KCNC1: variants seen among roughly 807,000 people sequenced by gnomAD.
The protein encoded by KCNC1 is voltage-gated potassium channel KCNC1.
Under a neutral mutation model 43.4 loss-of-function variants are expected in KCNC1, and 8 were observed. The ratio of observed to expected loss-of-function variants is 0.18; its 90% CI spans 0.11 to 0.33. The LOEUF (loss-of-function observed/expected upper bound fraction) is 0.33. Ranked by LOEUF, KCNC1 falls within the 10% of genes least tolerant of loss-of-function variation. The probability of loss-of-function intolerance (pLI) is 1.00; values close to 1 mark genes in which losing one functional copy is unlikely to be tolerated. For missense variants in KCNC1, 420 were observed against 836.0 expected, an observed-to-expected ratio of 0.50 and a Z score of 6.14; for synonymous variants, 361 against 360.5, an observed-to-expected ratio of 1.00 and a Z score of -0.01.
At chr11:17,759,160 TTA>T (rs1849050860) in intron 1 of KCNC1, among the ~76,000 whole-genome samples, 1 of 152,242 alleles carries the variant, frequency 6.6e-6, no homozygotes, top group African/African-American at 2.4e-5. Context: ...CCTTGCACTT[TTA>T]TGTTATGGAG....
rs1051106562 is a variant in KCNC1, at chr11:17,772,839, C to T, written c.1504+241C>T. The T allele has an allele frequency of 8.6e-6, 12 of 1,392,990 alleles. No homozygotes were observed. The African/African-American group carries it at 8.7e-5, about 10-fold the overall frequency. The allele number at this position is 1,392,990 out of a possible 1,614,324, so 86.3% of individuals were successfully genotyped here. A position where few individuals can be genotyped will look rare whatever the true frequency, so the allele number is the denominator to read the frequency against. ...GTAAGGAGGTTGACGCGGTTGGTCT[C>T]GTGATGTTCTGAAGAGACAACGCGG... On this transcript the variant is annotated intron_variant, in intron 2 of 3. Coordinates refer to ENST00000265969, the MANE Select transcript of KCNC1 (RefSeq NM_001112741.2).
chr11:17,778,455 A>G (rs1176530903), intron 2 of KCNC1, among the ~76,000 whole-genome samples: 1 of 152,230 alleles, frequency 6.6e-6, no homozygotes, highest in Non-Finnish European at 1.5e-5. Context: ...GAGGGGACAG[A>G]GGAATGGGAG....
Position 17,772,643 on chromosome 11 carries a change from G to A in KCNC1, c.1504+45G>A, listed in dbSNP as rs1554991452. On this transcript the variant is annotated intron_variant, in intron 2 of 3. Transcript: ENST00000265969. Reference sequence around the variant, plus strand: ...CATGTCGATCTGACCTTTCACCTCTGCCCCCTGTAGCGATGATTCCAGATC... The same window carrying A: ...CATGTCGATCTGACCTTTCACCTCTACCCCCTGTAGCGATGATTCCAGATC... 5 of 1,590,928 alleles carry A rather than the reference G, an allele frequency of 3.1e-6. No homozygotes were observed. In the South Asian group the frequency reaches 4.6e-5, roughly 15 times the overall value.
At position 17,777,330 on chromosome 11, in the gene KCNC1, A is replaced by T. The variant is rs754944290; in HGVS notation, c.1505-2126A>T. ...CCCTGGCAGAGGATGGCCAACAGAGACTCAGCAAGTCCTCACTCCCCTCCC... is the reference window on the plus strand; with the variant it reads ...CCCTGGCAGAGGATGGCCAACAGAGTCTCAGCAAGTCCTCACTCCCCTCCC... On this transcript the variant is annotated intron_variant, in intron 2 of 3. Transcript: ENST00000265969. The surrounding 1 kb of genome is among the most constrained non-coding windows in gnomAD (Gnocchi z 4.3). 2 of 985,574 alleles carry T rather than the reference A, an allele frequency of 2.0e-6. No individual in the cohort carries two copies. The highest frequency in any genetic ancestry group is 2.4e-6 in the Non-Finnish European group (2 of 829,942). The allele number at this position is 985,574 out of a possible 1,614,324, so 61.1% of individuals were successfully genotyped here.
In KCNC1 at chr11:17,735,345, G is replaced by A. The variant is rs1182109951; in HGVS notation, c.-658G>A. On this transcript the variant is annotated 5_prime_UTR_variant, in exon 1 of 4. Transcript: ENST00000265969. The surrounding 1 kb of genome is among the most constrained non-coding windows in gnomAD (Gnocchi z 6.7). ...GAGCAGGCAGCCAAGCAAGGAGAGA[G>A]GGAGGGGGCCGGAGCCCGCCCTGCG... 3 of 152,072 alleles carry A rather than the reference G, an allele frequency of 2.0e-5. No individual in the cohort carries two copies. The highest frequency in any genetic ancestry group is 4.4e-5 in the Non-Finnish European group (3 of 68,008). 9.4% of individuals were successfully genotyped at this position (152,072 alleles called of 1,614,324 possible).
intron 1 of KCNC1, among the ~76,000 whole-genome samples, chr11:17,753,512 A>G (rs1314076639): frequency 2.0e-5 from 3 of 152,218 alleles, no homozygotes; most frequent in African/African-American, 4.8e-5. Context: ...CTGCCAGGGA[A>G]GGGACTTGGG....
In KCNC1 at chr11:17,736,829, TTGTG is replaced by T. The variant is rs1848773618; in HGVS notation, c.570+262_570+265del. ...GGGTGTGTTTGTGTGTATGAGTAGATTGTGTGTGCATATTTATGTAAGTGTGGTG... is the reference window on the plus strand; with the variant it reads ...GGGTGTGTTTGTGTGTATGAGTAGATTGTGCATATTTATGTAAGTGTGGTG... On this transcript the variant is annotated intron_variant, in intron 1 of 3. Transcript: ENST00000265969. The surrounding 1 kb of genome is among the most constrained non-coding windows in gnomAD (Gnocchi z 9.3). Among the ~76,000 whole-genome samples the T allele has an allele frequency of 6.6e-6, 1 of 152,140 alleles. No homozygotes were observed.
In KCNC1 at chr11:17,771,493, G is replaced by A. The variant is rs111266866; in HGVS notation, c.571-172G>A. Among the ~76,000 whole-genome samples the A allele has an allele frequency of 6.4e-3, 974 of 152,304 alleles. 10 individuals are homozygous for A. The highest frequency in any genetic ancestry group is 0.023 in the African/African-American group (936 of 41,566). Reference sequence around the variant, plus strand: ...GCGGAGTAGGAGGGTTTTAGAGCCTGCCCTGACGGTCGTGCAGGCCCCCTG... The same window carrying A: ...GCGGAGTAGGAGGGTTTTAGAGCCTACCCTGACGGTCGTGCAGGCCCCCTG... On this transcript the variant is annotated intron_variant, in intron 1 of 3. Transcript: ENST00000265969. This position sits in a 1 kb window ranked among gnomAD's most constrained non-coding sequence, Gnocchi z 4.7.
chr11:17,769,197 T>C (rs1277109525), intron 1 of KCNC1, among the ~76,000 whole-genome samples: 1 of 152,156 alleles, frequency 6.6e-6, no homozygotes, highest in East Asian at 1.9e-4. Context: ...TGTCTCTGAA[T>C]GTATCCTTCA....
In KCNC1 at chr11:17,779,771, G is replaced by A; in HGVS notation, c.1693+127G>A. 2 of 752,148 alleles carry A rather than the reference G, an allele frequency of 2.7e-6. No homozygotes were observed. The highest frequency in any genetic ancestry group is 2.5e-5 in the South Asian group (1 of 39,468). 46.6% of individuals were successfully genotyped at this position (752,148 alleles called of 1,614,324 possible). ...GCACACCGAGGGGGGCAAGGATGGA[G>A]GGAATCTCCCAGGGTCGGCCCCTGG... On this transcript the variant is annotated intron_variant, in intron 3 of 3. Transcript: ENST00000265969. The surrounding 1 kb of genome is among the most constrained non-coding windows in gnomAD (Gnocchi z 7.2).
chr11:17,776,745 G>A lies in KCNC1; in HGVS notation c.1505-2711G>A, dbSNP rs529755015. ...TATCTCATCCAAAGGATGGGGCAGG[G>A]GCGGGGGCTCACACCTTTGACCCTA... On this transcript the variant is annotated intron_variant, in intron 2 of 3. Coordinates refer to ENST00000265969, the MANE Select transcript of KCNC1 (RefSeq NM_001112741.2). The surrounding 1 kb of genome is among the most constrained non-coding windows in gnomAD (Gnocchi z 4.4). 64 of 985,304 alleles carry A rather than the reference G, an allele frequency of 6.5e-5. No individual in the cohort carries two copies. The highest frequency in any genetic ancestry group is 7.7e-5 in the Non-Finnish European group (64 of 829,956). 61.0% of individuals were successfully genotyped at this position (985,304 alleles called of 1,614,324 possible).
chr11:17,779,235 C>T lies in KCNC1; in HGVS notation c.1505-221C>T, dbSNP rs576685882. On this transcript the variant is annotated intron_variant, in intron 2 of 3. Coordinates refer to ENST00000265969, the MANE Select transcript of KCNC1 (RefSeq NM_001112741.2). This position sits in a 1 kb window ranked among gnomAD's most constrained non-coding sequence, Gnocchi z 7.2. ...AAACTTTGAGCAAACCCAGGAGTCC[C>T]CACTCCCAGCACTGTGGGCAGCCCG... The T allele has an allele frequency of 1.3e-5, 6 of 473,720 alleles. No homozygotes were observed. Among genetic ancestry groups the T allele is most frequent in the Non-Finnish European group, 2.2e-5 (6 of 271,432 alleles). The allele number at this position is 473,720 out of a possible 1,614,324, so 29.3% of individuals were successfully genotyped here. A position where few individuals can be genotyped will look rare whatever the true frequency, so the allele number is the denominator to read the frequency against.
chr11:17,770,134 C>T (rs959562590), intron 1 of KCNC1, among the ~76,000 whole-genome samples: 4 of 152,216 alleles, frequency 2.6e-5, no homozygotes, highest in African/African-American at 9.6e-5. Flanking sequence ...AGGGCACCCC[C>T]TGGGTGGGGG....
chr11:17,772,381 C>A lies in KCNC1; in HGVS notation c.1287C>A (p.Ala429=), dbSNP rs139804857. The A allele has an allele frequency of 2.5e-4, 397 of 1,614,208 alleles. No individual in the cohort carries two copies. In the African/African-American group the frequency reaches 4.1e-3, roughly 17 times the overall value. Residue 429 remains alanine (A), a synonymous_variant, in exon 2 of 4, where the codon GCC becomes GCA. Transcript: ENST00000265969. ...LCALAGVLTI[A]MPVPVIVNNF... ...CGCTGGCGGGCGTGCTCACCATCGC[C>A]ATGCCCGTGCCCGTCATCGTGAACA...
In KCNC1 at chr11:17,736,291, G is replaced by C; in HGVS notation, c.289G>C (p.Asp97His). Residue 97 changes from aspartate (D) to histidine (H), a missense_variant, in exon 1 of 4, where the codon GAC becomes CAC. Asp to His is a moderately conservative substitution (Grantham distance 81, BLOSUM62 -1). Around this residue, in one of 5 missense-constraint regions of KCNC1, gnomAD observed 22 missense variants for 104.8 expected, o/e 0.21. Coordinates refer to ENST00000265969, the MANE Select transcript of KCNC1 (RefSeq NM_001112741.2). This position sits in a 1 kb window ranked among gnomAD's most constrained non-coding sequence, Gnocchi z 9.3. ...GGAGGAGCTGGCCTTCTGGGGCATC[G>C]ACGAGACCGACGTGGAGCCCTGCTG... ...YEEELAFWGIDETDVEPCCWM... is the reference protein window; with the variant it reads ...YEEELAFWGIHETDVEPCCWM... 6.2e-7 allele frequency: 1 copy of C among 1,613,384 alleles called. No individual in the cohort carries two copies. Among genetic ancestry groups the C allele is most frequent in the Non-Finnish European group, 8.5e-7 (1 of 1,179,884 alleles).
In KCNC1 at chr11:17,779,398, C is replaced by T. The variant is rs756756438; in HGVS notation, c.1505-58C>T. 3.6e-6 allele frequency: 5 copies of T among 1,371,618 alleles called. No homozygotes were observed. Among genetic ancestry groups the T allele is most frequent in the South Asian group, 1.7e-5 (1 of 59,214 alleles). The allele number at this position is 1,371,618 out of a possible 1,614,324, so 85.0% of individuals were successfully genotyped here. A position where few individuals can be genotyped will look rare whatever the true frequency, so the allele number is the denominator to read the frequency against. ...ATACCCCGCTTCTGGCCTGTCCCCC[C>T]CTGCCCCCCACTAAACAGTTTTCAG... On this transcript the variant is annotated intron_variant, in intron 2 of 3. Transcript: ENST00000265969. This position sits in a 1 kb window ranked among gnomAD's most constrained non-coding sequence, Gnocchi z 7.2.
chr11:17,774,488 C>T (rs1849263866), intron 2 of KCNC1: 1 of 985,534 alleles, frequency 1.0e-6, no homozygotes, highest in Non-Finnish European at 1.2e-6. Flanking sequence ...TACTCTTGGA[C>T]AATGACAGTA....
In KCNC1 at chr11:17,739,432, T is replaced by C. The variant is rs568768469; in HGVS notation, c.570+2860T>C. Among the ~76,000 whole-genome samples the C allele has an allele frequency of 6.8e-6, 1 of 147,842 alleles. No homozygotes were observed. The highest frequency in any genetic ancestry group is 2.1e-4 in the East Asian group (1 of 4,808). On this transcript the variant is annotated intron_variant, in intron 1 of 3. Coordinates refer to ENST00000265969, the MANE Select transcript of KCNC1 (RefSeq NM_001112741.2). This position sits in a 1 kb window ranked among gnomAD's most constrained non-coding sequence, Gnocchi z 4.2. ...TGCGACTCTGTGCGAGCTTCCTGAG[T>C]CCTTGTGTCAGGGGTTGTGTGTGTG... is the stretch of plus-strand genomic sequence containing the variant.
In KCNC1 at chr11:17,773,823, A is replaced by G; in HGVS notation, c.1504+1225A>G. 3.0e-6 allele frequency: 3 copies of G among 985,550 alleles called. 1 individual carries two copies. Among genetic ancestry groups the G allele is most frequent in the Middle Eastern group, 1.0e-3 (2 of 1,914 alleles). 61.1% of individuals were successfully genotyped at this position (985,550 alleles called of 1,614,324 possible). A position where few individuals can be genotyped will look rare whatever the true frequency, so the allele number is the denominator to read the frequency against. ...AGAATGACAGCACTGAGTAAGAAGG[A>G]GTGCCAGGTGAGCAGGAGGTTGACG... On this transcript the variant is annotated intron_variant, in intron 2 of 3. Transcript: ENST00000265969. The surrounding 1 kb of genome is among the most constrained non-coding windows in gnomAD (Gnocchi z 4.1).
Sources: allele counts gnomAD v4.1 joint callset (sites outside exome capture counted in the v4.1 genomes callset), GRCh38; gene constraint gnomAD v4.1.1; regional missense constraint gnomAD v4.1.1; non-coding constraint Gnocchi (gnomAD v3.1); transcripts MANE v1.5; gene names NCBI Gene and HGNC (gene_info 2026-07-23, HGNC 2026-07-21).